CNTNAP4: variants seen among roughly 807,000 people sequenced by gnomAD.
CNTNAP4 encodes the protein contactin-associated protein-like 4.
In CNTNAP4, 98 loss-of-function variants were observed where a neutral mutation model predicts 148.4. The ratio of observed to expected loss-of-function variants is 0.66; its 90% confidence interval spans 0.56 to 0.78. CNTNAP4 has a LOEUF of 0.78. CNTNAP4 is among the 30% of genes least tolerant of loss of function. The probability of loss-of-function intolerance (pLI) is 0.00; values close to 1 mark genes in which losing one functional copy is unlikely to be tolerated. For synonymous variants in CNTNAP4, 730 were observed against 565.1 expected (o/e 1.29, Z -4.14); for missense variants, 1,935 against 1,565.6 (o/e 1.24, Z -3.98).
intron 2 of CNTNAP4, among the ~76,000 whole-genome samples, chr16:76,336,825 C>A (rs1670183457): frequency 6.6e-6 from 1 of 152,168 alleles, no homozygotes; most frequent in African/African-American, 2.4e-5. Flanking sequence ...AAGGACATTT[C>A]TTCATTCAAT....
At chr16:76,408,500 C>G (rs1022871832) in intron 3 of CNTNAP4, among the ~76,000 whole-genome samples, 2 of 150,026 alleles carry the variant, frequency 1.3e-5, no homozygotes, top group African/African-American at 5.1e-5. Context: ...TCCCAAGCAT[C>G]AACCCCATGG....
rs115784492 is a variant in CNTNAP4 at position 76,468,046 on chromosome 16, C to T, written c.1655+523C>T. Among the ~76,000 whole-genome samples, 670 of 152,266 alleles carry T rather than the reference C, an allele frequency of 4.4e-3. 4 individuals are homozygous for T. Among genetic ancestry groups the T allele is most frequent in the African/African-American group, 0.015 (630 of 41,550 alleles). ...CTGGAGGGAAAATGAAAATGAACTTCTCTAGAGAAGCTTGGGGTTGTGGTA... is the reference window on the plus strand; with the variant it reads ...CTGGAGGGAAAATGAAAATGAACTTTTCTAGAGAAGCTTGGGGTTGTGGTA... On this transcript the variant is annotated intron_variant, in intron 10 of 23. Coordinates refer to ENST00000611870, the MANE Select transcript of CNTNAP4 (RefSeq NM_033401.5).
At chr16:76,470,359 A>T (rs1420164337) in intron 10 of CNTNAP4, among the ~76,000 whole-genome samples, 1 of 151,334 alleles carries the variant, frequency 6.6e-6, no homozygotes, top group Non-Finnish European at 1.5e-5. Flanking sequence ...ATTAACAGCC[A>T]GCCAGACACG....
intron 3 of CNTNAP4, among the ~76,000 whole-genome samples, chr16:76,419,428 C>T (rs1359941690): frequency 2.6e-5 from 4 of 152,036 alleles, no homozygotes; most frequent in Non-Finnish European, 4.4e-5. Flanking sequence ...TTCTAATCTT[C>T]ATAGAATGCA....
chr16:76,355,585 C>A, intron 3 of CNTNAP4, 74 bp downstream of exon 3: 1 of 1,128,038 alleles, frequency 8.9e-7, no homozygotes, highest in South Asian at 2.8e-5. Context: ...TTACCAATCT[C>A]TTAAATTAAG....
intron 17 of CNTNAP4, among the ~76,000 whole-genome samples, chr16:76,530,635 T>G (rs1397410962): frequency 1.3e-5 from 2 of 152,202 alleles, no homozygotes; most frequent in Non-Finnish European, 2.9e-5. Context: ...TTTTCACCCC[T>G]GACTTTGGTT....
intron 15 of CNTNAP4, among the ~76,000 whole-genome samples, chr16:76,519,757 A>C (rs1264040189): frequency 6.6e-6 from 1 of 152,180 alleles, no homozygotes; most frequent in Non-Finnish European, 1.5e-5. Flanking sequence ...GTTTCATTTG[A>C]CTCTGGGAGG....
intron 1 of CNTNAP4, among the ~76,000 whole-genome samples, chr16:76,297,302 G>T (rs1269403905): frequency 6.6e-6 from 1 of 151,928 alleles, no homozygotes; most frequent in African/African-American, 2.4e-5. Context: ...ATATTGACTG[G>T]GAATTTGGAT....
intron 12 of CNTNAP4, among the ~76,000 whole-genome samples, chr16:76,480,982 C>G (rs569364647): frequency 6.6e-6 from 1 of 152,156 alleles, no homozygotes; most frequent in Non-Finnish European, 1.5e-5. Context: ...TTCAGCTCTA[C>G]TGGATATAGG....
At chr16:76,385,448 A>G (rs1269260356) in intron 3 of CNTNAP4, among the ~76,000 whole-genome samples, 1 of 152,064 alleles carries the variant, frequency 6.6e-6, no homozygotes, top group East Asian at 1.9e-4. Flanking sequence ...AAAAATAGAA[A>G]CAACTGTAAT....
intron 2 of CNTNAP4, among the ~76,000 whole-genome samples, chr16:76,331,039 A>G (rs1359125899): frequency 3.3e-5 from 5 of 152,196 alleles, no homozygotes; most frequent in Admixed American, 3.3e-4. Flanking sequence ...AACCATTGTA[A>G]AGTATAAAAT....
chr16:76,531,629 G>A (rs1175868358), intron 17 of CNTNAP4, among the ~76,000 whole-genome samples: 1 of 152,092 alleles, frequency 6.6e-6, no homozygotes, highest in East Asian at 1.9e-4. Context: ...TAACCAAACT[G>A]CAACTCATTT....
At chr16:76,420,226 TAA>T (rs1568094616) in intron 3 of CNTNAP4, among the ~76,000 whole-genome samples, 1 of 150,720 alleles carries the variant, frequency 6.6e-6, no homozygotes, top group Non-Finnish European at 1.5e-5. Flanking sequence ...TATATTAGAA[TAA>T]TGTATATTCT....
At position 76,449,772 on chromosome 16, in the gene CNTNAP4, T is replaced by G; in HGVS notation, c.985T>G (p.Phe329Val). 6.3e-7 allele frequency: 1 copy of G among 1,598,612 alleles called. No homozygotes were observed. Among genetic ancestry groups the G allele is most frequent in the Non-Finnish European group, 8.5e-7 (1 of 1,171,768 alleles). Residue 329 changes from phenylalanine to valine, a missense_variant, in exon 7 of 24, where the codon TTT becomes GTT. By Grantham distance (50) the Phe-to-Val change is conservative. Transcript: ENST00000611870. Reference protein sequence around the residue: ...GKSVSFPHRNFHGCLENLYYN... With the variant: ...GKSVSFPHRNVHGCLENLYYN... ...ATCAGTGTCATTCCCACATAGAAAT[T>G]TTCATGGATGTTTAGAAAATCTCTA...
Position 76,495,122 on chromosome 16 carries a change from A to T in CNTNAP4, c.2237+56A>T. ...AAAAGTTCATTTAAAAAAATTAATC[A>T]CTCAAAGTATGTATAGCTAGCCAGA... is the stretch of plus-strand genomic sequence containing the variant. On this transcript the variant is annotated intron_variant, in intron 14 of 23. Coordinates refer to ENST00000611870, the MANE Select transcript of CNTNAP4 (RefSeq NM_033401.5). 2.5e-6 allele frequency: 4 copies of T among 1,580,926 alleles called. No homozygotes were observed. The South Asian group carries it at 3.4e-5, about 13-fold the overall frequency.
chr16:76,479,378 A>G (rs776392528), intron 11 of CNTNAP4, 41 bp from the exon 12 acceptor site: 27 of 1,511,444 alleles, frequency 1.8e-5, no homozygotes, highest in Admixed American at 4.2e-5. Flanking sequence ...TAAGAGATTC[A>G]TTTCATGCTA....
rs970009969 is a variant in CNTNAP4, at chr16:76,449,739, C to G, written c.952C>G (p.Pro318Ala). Residue 318 changes from proline to alanine, a missense_variant, in exon 7 of 24, where the codon CCT becomes GCT. Physicochemically the swap from Pro to Ala is conservative, Grantham distance 27. Coordinates refer to ENST00000611870, the MANE Select transcript of CNTNAP4 (RefSeq NM_033401.5). ...YEISFGGIPA[P>A]GKSVSFPHRN... ...GATCAGCTTTGGAGGGATTCCAGCACCTGGAAAATCAGTGTCATTCCCACA... is the reference window on the plus strand; with the variant it reads ...GATCAGCTTTGGAGGGATTCCAGCAGCTGGAAAATCAGTGTCATTCCCACA... The G allele has an allele frequency of 9.4e-6, 15 of 1,593,566 alleles. No homozygotes were observed. Among genetic ancestry groups the G allele is most frequent in the Admixed American group, 1.8e-5 (1 of 57,140 alleles).
intron 3 of CNTNAP4, among the ~76,000 whole-genome samples, chr16:76,362,062 T>A (rs1002419327): frequency 2.0e-5 from 3 of 152,142 alleles, no homozygotes; most frequent in Non-Finnish European, 4.4e-5. Flanking sequence ...GTTACTGATA[T>A]ATTTTTACTA....
intron 1 of CNTNAP4, among the ~76,000 whole-genome samples, chr16:76,297,230 T>C (rs1959407879): frequency 1.3e-5 from 2 of 152,216 alleles, no homozygotes; most frequent in African/African-American, 2.4e-5. Context: ...GATTTCATCA[T>C]TTCTAAAACA....
Sources: gnomAD v4.1 joint callset for allele counts (sites outside exome capture counted in the v4.1 genomes callset) on GRCh38, gnomAD v4.1.1 for gene constraint, MANE v1.5 for transcripts, NCBI Gene and HGNC (gene_info 2026-07-23, HGNC 2026-07-21) for gene names.